CUBN: variants seen among roughly 807,000 people sequenced by gnomAD.
CUBN encodes 460 kDa receptor.
CUBN carries 282 observed loss-of-function variants against 405.3 expected under a neutral mutation model. The ratio of observed to expected loss-of-function variants is 0.70; its 90% CI spans 0.63 to 0.77. CUBN has a LOEUF of 0.77. CUBN is among the 30% of genes least tolerant of loss of function. CUBN has a pLI of 0.00. For synonymous variants in CUBN, 1,684 were observed against 1,617.0 expected, an observed-to-expected ratio of 1.04 and a Z score of -0.99; for missense variants, 4,514 against 4,475.2, an observed-to-expected ratio of 1.01 and a Z score of -0.25.
At chr10:17,122,731 C>A in intron 6 of CUBN, 64 bp downstream of exon 6, 2 of 942,332 alleles carry the variant, frequency 2.1e-6, no homozygotes, top group Non-Finnish European at 3.4e-6. Context: ...ATGCTCTTAA[C>A]TATGGGATGT....
chr10:16,908,872 CTT>C (rs35736503), intron 48 of CUBN, among the ~76,000 whole-genome samples: 223 of 115,398 alleles, frequency 1.9e-3, no homozygotes, highest in African/African-American at 6.4e-3. Context: ...GATGTCATCT[CTT>C]TTTTTTTTTT....
chr10:16,972,645 C>T (rs111800068), intron 31 of CUBN, among the ~76,000 whole-genome samples: 7 of 152,048 alleles, frequency 4.6e-5, no homozygotes, highest in African/African-American at 1.4e-4. Flanking sequence ...AGGCTGGTGT[C>T]AAACTCCTGA....
chr10:17,027,072 G>A (rs1336260438), intron 27 of CUBN, among the ~76,000 whole-genome samples: 1 of 152,148 alleles, frequency 6.6e-6, no homozygotes, highest in Non-Finnish European at 1.5e-5. Context: ...CTTTCTATGT[G>A]GTGGCTAGTT....
chr10:17,065,083 T>G (rs976246056), intron 22 of CUBN, among the ~76,000 whole-genome samples: 2 of 151,730 alleles, frequency 1.3e-5, no homozygotes, highest in African/African-American at 4.8e-5. Context: ...AGATTTATTA[T>G]GTATTTGTAT....
intron 14 of CUBN, among the ~76,000 whole-genome samples, chr10:17,088,852 C>T (rs938618612): frequency 6.2e-4 from 95 of 152,138 alleles, no homozygotes; most frequent in African/African-American, 2.3e-3. Flanking sequence ...ATTCAAATGT[C>T]TGTAGTGATC....
intron 19 of CUBN, 146 bp downstream of exon 19, chr10:17,071,280 G>T: frequency 1.3e-6 from 1 of 796,804 alleles, no homozygotes; most frequent in South Asian, 1.6e-5. Context: ...CCAGTATTTT[G>T]CTGAGGATTT....
chr10:16,890,103 G>A (rs545220253), intron 55 of CUBN, among the ~76,000 whole-genome samples: 8 of 152,064 alleles, frequency 5.3e-5, no homozygotes, highest in Non-Finnish European at 1.2e-4. Flanking sequence ...CTAGCCATCT[G>A]CGCTTCTGCC....
At chr10:17,087,611 G>T (rs1836150723) in intron 15 of CUBN, among the ~76,000 whole-genome samples, 1 of 151,054 alleles carries the variant, frequency 6.6e-6, no homozygotes, top group Admixed American at 6.6e-5. Context: ...GAGTAGCTGG[G>T]GTTACAGGCA....
Position 17,019,066 on chromosome 10 carries a change from TG to T in CUBN, c.4168+766del, listed in dbSNP as rs145323196. ...AGTTTGTGATTCTGTAGGCCTGGGA[TG>T]GGGCCCAAGAATTTGAATTTCTAAC... On this transcript the variant is annotated intron_variant, in intron 28 of 66. Coordinates refer to ENST00000377833, the MANE Select transcript of CUBN (RefSeq NM_001081.4). Among the ~76,000 whole-genome samples, 611 of 152,286 alleles carry T rather than the reference TG, an allele frequency of 4.0e-3. 4 individuals are homozygous for T. Among genetic ancestry groups the T allele is most frequent in the Non-Finnish European group, 6.0e-3 (411 of 68,008 alleles).
At chr10:16,855,307 A>G (rs1251365844) in intron 59 of CUBN, among the ~76,000 whole-genome samples, 1 of 151,758 alleles carries the variant, frequency 6.6e-6, no homozygotes. Flanking sequence ...TGGAGAGTAT[A>G]TTTTTCTGTG....
At chr10:17,094,298 A>G (rs576070374) in intron 14 of CUBN, among the ~76,000 whole-genome samples, 66 of 152,208 alleles carry the variant, frequency 4.3e-4, no homozygotes, top group African/African-American at 1.5e-3. Flanking sequence ...GAAATGGTCA[A>G]CCTAAAATTC....
At position 16,835,092 on chromosome 10, in the gene CUBN, G is replaced by A. The variant is rs1564376462; in HGVS notation, c.10284C>T (p.Pro3428=). The part of the protein sequence containing the change: ...DKDCTVTLTA[P]QNHTISLFFH... ...AAAAGAGGGAAATGGTGTGGTTCTG[G>A]GGGGCTGTGAGAGTAACGGTGCAAT... is the stretch of plus-strand genomic sequence containing the variant. Residue 3428 remains proline (P), a synonymous_variant, in exon 64 of 67, where the codon CCC becomes CCT. Transcript: ENST00000377833. 3.7e-6 allele frequency: 6 copies of A among 1,614,120 alleles called. No individual in the cohort carries two copies. Among genetic ancestry groups the A allele is most frequent in the East Asian group, 2.2e-5 (1 of 44,880 alleles).
chr10:17,124,091 C>T (rs1262730126), intron 4 of CUBN, among the ~76,000 whole-genome samples: 4 of 152,136 alleles, frequency 2.6e-5, no homozygotes, highest in South Asian at 2.1e-4. Flanking sequence ...GTTATTTTAC[C>T]GGTGATTCTT....
At chr10:16,934,250 C>G (rs1402497846) in intron 39 of CUBN, among the ~76,000 whole-genome samples, 2 of 152,154 alleles carry the variant, frequency 1.3e-5, no homozygotes, top group African/African-American at 2.4e-5. Flanking sequence ...AGGCTTTGGT[C>G]TATTTCCAGA....
intron 17 of CUBN, among the ~76,000 whole-genome samples, chr10:17,080,641 A>G (rs1289245266): frequency 1.3e-5 from 2 of 152,024 alleles, no homozygotes; most frequent in African/African-American, 2.4e-5. Context: ...AATTCTACTC[A>G]TTTCCCTTCG....
At chr10:16,910,415 A>G (rs1841695372) in intron 48 of CUBN, among the ~76,000 whole-genome samples, 1 of 152,218 alleles carries the variant, frequency 6.6e-6, no homozygotes, top group Admixed American at 6.5e-5. Context: ...ATACATTTCA[A>G]AAAAAGGAAT....
intron 4 of CUBN, among the ~76,000 whole-genome samples, chr10:17,124,680 A>G (rs765146478): frequency 5.3e-5 from 8 of 152,102 alleles, no homozygotes; most frequent in Admixed American, 6.5e-5. Flanking sequence ...CGCCCGCCTC[A>G]GCCTCCTAAA....
chr10:16,851,488 A>T (rs1301972325), intron 59 of CUBN, 45 bp from the exon 60 acceptor site: 1 of 1,535,736 alleles, frequency 6.5e-7, no homozygotes, highest in African/African-American at 1.4e-5. Flanking sequence ...AACAGAACCG[A>T]CCTTACATTG....
At chr10:16,989,117 C>T (rs561648566) in intron 29 of CUBN, among the ~76,000 whole-genome samples, 23 of 152,204 alleles carry the variant, frequency 1.5e-4, no homozygotes, top group African/African-American at 5.3e-4. Flanking sequence ...AACATCTAGC[C>T]TCATGGAATT....
Sources: gnomAD v4.1 joint callset for allele counts (sites outside exome capture counted in the v4.1 genomes callset) on GRCh38, gnomAD v4.1.1 for gene constraint, MANE v1.5 for transcripts, NCBI Gene and HGNC (gene_info 2026-07-23, HGNC 2026-07-21) for gene names.